Variants in PTPRJ observed in about 807,000 individuals in gnomAD.
The protein encoded by PTPRJ is protein tyrosine phosphatase receptor type J, also known as receptor-type tyrosine-protein phosphatase eta.
PTPRJ carries 129 observed loss-of-function variants against 141.3 expected under a neutral mutation model. The ratio of observed to expected loss-of-function variants is 0.91; its 90% CI spans 0.79 to 1.06. The LOEUF (loss-of-function observed/expected upper bound fraction) is 1.06, where lower values mean the gene tolerates loss of function less well. Ranked by LOEUF, PTPRJ falls within the 50% of genes least tolerant of loss-of-function variation. The probability of loss-of-function intolerance (pLI) is 0.00; values close to 1 mark genes in which losing one functional copy is unlikely to be tolerated. For synonymous variants in PTPRJ, 610 were observed against 640.5 expected, an observed-to-expected ratio of 0.95 and a Z score of 0.72; for missense variants, 1,601 against 1,679.7, an observed-to-expected ratio of 0.95 and a Z score of 0.82.
chr11:48,116,596 A>T (rs1056967470), intron 3 of PTPRJ, among the ~76,000 whole-genome samples: 3 of 152,238 alleles, frequency 2.0e-5, no homozygotes, highest in African/African-American at 7.2e-5. Flanking sequence ...TATACAGAAC[A>T]TTCCATCCAA....
At chr11:48,117,496 G>A (rs185042698) in intron 3 of PTPRJ, among the ~76,000 whole-genome samples, 2 of 121,910 alleles carry the variant, frequency 1.6e-5, no homozygotes, top group African/African-American at 3.2e-5. Context: ...AGCCGAGATC[G>A]CACCACTGCA....
At chr11:48,113,464 A>G (rs1451545664) in intron 3 of PTPRJ, among the ~76,000 whole-genome samples, 2 of 152,154 alleles carry the variant, frequency 1.3e-5, no homozygotes, top group Non-Finnish European at 2.9e-5. Context: ...TTTGTAAGTA[A>G]AGTTTTATTG....
rs1216440553 is a variant in PTPRJ, at chr11:48,059,137, G to A, written c.97-50921G>A. Reference sequence around the variant, plus strand: ...TTTTTTTTTTTTTTTTTTTTTTTTTGAGGCAGAGTCTCACTCTGTCCATTG... The same window carrying A: ...TTTTTTTTTTTTTTTTTTTTTTTTTAAGGCAGAGTCTCACTCTGTCCATTG... On this transcript the variant is annotated intron_variant, in intron 1 of 24. Coordinates refer to ENST00000418331, the MANE Select transcript of PTPRJ (RefSeq NM_002843.4). 1.0e-4 allele frequency among the ~76,000 whole-genome samples: 2 copies of A among 19,314 alleles called. 1 individual carries two copies. The highest frequency in any genetic ancestry group is 2.4e-4 in the Non-Finnish European group (2 of 8,398). The allele number at this position is 19,314 out of a possible 152,430, so 12.7% of individuals were successfully genotyped here.
intron 1 of PTPRJ, among the ~76,000 whole-genome samples, chr11:47,999,127 G>A (rs906096879): frequency 6.6e-6 from 1 of 152,234 alleles, no homozygotes; most frequent in Non-Finnish European, 1.5e-5. Flanking sequence ...CTTGGGCCCT[G>A]TATAGAAGGG....
At chr11:47,981,125 T>G in intron 1 of PTPRJ, 117 bp downstream of exon 1, 3 of 1,016,228 alleles carry the variant, frequency 3.0e-6, no homozygotes, top group Non-Finnish European at 2.5e-6. Flanking sequence ...GGGGTCCGGA[T>G]CCCCGGATCC....
intron 1 of PTPRJ, among the ~76,000 whole-genome samples, chr11:48,105,225 C>T (rs1246162781): frequency 1.3e-5 from 2 of 151,750 alleles, no homozygotes; most frequent in Non-Finnish European, 2.9e-5. Flanking sequence ...CCCAAGCTCA[C>T]CAGGTCCTGG....
intron 1 of PTPRJ, among the ~76,000 whole-genome samples, chr11:48,096,528 G>A (rs1856008536): frequency 6.6e-6 from 1 of 150,854 alleles, no homozygotes; most frequent in Non-Finnish European, 1.5e-5. Flanking sequence ...AGTTTCCCAC[G>A]CCCGCCCCCA....
intron 1 of PTPRJ, among the ~76,000 whole-genome samples, chr11:47,984,106 T>C (rs1853984004): frequency 6.6e-6 from 1 of 152,156 alleles, no homozygotes; most frequent in African/African-American, 2.4e-5. Flanking sequence ...AAACAGCAAA[T>C]TGGTTTATGG....
chr11:48,104,395 G>A lies in PTPRJ; in HGVS notation c.97-5663G>A, dbSNP rs114582105. Among the ~76,000 whole-genome samples the A allele has an allele frequency of 1.0e-2, 1,516 of 152,304 alleles. 22 individuals are homozygous for A. The highest frequency in any genetic ancestry group is 0.034 in the African/African-American group (1,431 of 41,564). ...TGATGGCCTTTCAGAGTTGAAATCTGTGCTGCTCCAAATCCCATAAACTGC... is the reference window on the plus strand; with the variant it reads ...TGATGGCCTTTCAGAGTTGAAATCTATGCTGCTCCAAATCCCATAAACTGC... On this transcript the variant is annotated intron_variant, in intron 1 of 24. Transcript: ENST00000418331.
At chr11:48,042,806 G>A (rs1195168210) in intron 1 of PTPRJ, among the ~76,000 whole-genome samples, 1 of 151,642 alleles carries the variant, frequency 6.6e-6, no homozygotes, top group Non-Finnish European at 1.5e-5. Flanking sequence ...GAGAGAGAAA[G>A]AGAGTAAGAG....
At chr11:47,984,497 T>C (rs540280178) in intron 1 of PTPRJ, among the ~76,000 whole-genome samples, 3 of 152,358 alleles carry the variant, frequency 2.0e-5, no homozygotes, top group South Asian at 4.1e-4. Context: ...CTAAGGGTTT[T>C]AATGCATTAT....
At chr11:48,143,157 C>G in intron 12 of PTPRJ, 107 bp downstream of exon 12, 1 of 1,400,686 alleles carries the variant, frequency 7.1e-7, no homozygotes, top group Non-Finnish European at 9.8e-7. Flanking sequence ...CGCCTGTCTT[C>G]TCACTGCAGC....
chr11:48,023,007 G>C (rs1418888980), intron 1 of PTPRJ, among the ~76,000 whole-genome samples: 1 of 152,086 alleles, frequency 6.6e-6, no homozygotes, highest in Non-Finnish European at 1.5e-5. Context: ...ATAGGGCGGT[G>C]GGTAAAAGCC....
At chr11:47,997,031 G>T (rs755736724) in intron 1 of PTPRJ, among the ~76,000 whole-genome samples, 2 of 152,236 alleles carry the variant, frequency 1.3e-5, no homozygotes, top group African/African-American at 2.4e-5. Flanking sequence ...TGTGGTTGGG[G>T]TGAGTGAGGA....
chr11:48,098,155 T>G (rs1302391368), intron 1 of PTPRJ, among the ~76,000 whole-genome samples: 1 of 152,202 alleles, frequency 6.6e-6, no homozygotes, highest in Non-Finnish European at 1.5e-5. Flanking sequence ...GCCTATTCAG[T>G]CTGACCCACA....
chr11:47,997,171 C>T (rs1854359656), intron 1 of PTPRJ, among the ~76,000 whole-genome samples: 1 of 152,212 alleles, frequency 6.6e-6, no homozygotes, highest in African/African-American at 2.4e-5. Context: ...CTGGCCTCTG[C>T]CTGCTAGGAG....
At chr11:48,110,275 C>T (rs1317051714) in intron 2 of PTPRJ, among the ~76,000 whole-genome samples, 199 bp downstream of exon 2, 2 of 152,118 alleles carry the variant, frequency 1.3e-5, no homozygotes, top group African/African-American at 4.8e-5. Flanking sequence ...GGTGCCATCT[C>T]GGCTCACTGC....
intron 1 of PTPRJ, among the ~76,000 whole-genome samples, chr11:47,993,945 C>T (rs1483657059): frequency 6.6e-6 from 1 of 151,912 alleles, no homozygotes; most frequent in Non-Finnish European, 1.5e-5. Context: ...TCTCCTGCCT[C>T]TGCCTCCTGG....
chr11:48,121,984 G>A (rs1038140103), intron 4 of PTPRJ, among the ~76,000 whole-genome samples: 2 of 152,134 alleles, frequency 1.3e-5, no homozygotes, highest in African/African-American at 4.8e-5. Context: ...CCCACGGCTG[G>A]AGGTGAACGA....
Sources: gnomAD v4.1 joint callset for allele counts (sites outside exome capture counted in the v4.1 genomes callset) on GRCh38, gnomAD v4.1.1 for gene constraint, MANE v1.5 for transcripts, NCBI Gene and HGNC (gene_info 2026-07-23, HGNC 2026-07-21) for gene names.